RAB28: variants seen among roughly 807,000 people sequenced by gnomAD.
RAB28 encodes RAB28, member RAS oncogene family.
Under a neutral mutation model 31.7 loss-of-function variants are expected in RAB28, and 24 were observed. That is an observed-to-expected ratio of 0.76 (90% CI 0.55 to 1.06). The LOEUF (loss-of-function observed/expected upper bound fraction) is 1.06. Ranked by LOEUF, RAB28 falls within the 50% of genes least tolerant of loss-of-function variation. RAB28 has a pLI of 0.00. For missense variants in RAB28, 254 were observed against 258.5 expected (o/e 0.98, Z 0.12); for synonymous variants, 100 against 90.4 (o/e 1.11, Z -0.60).
chr4:13,385,941 G>A (rs1342605301), intron 4 of RAB28, among the ~76,000 whole-genome samples: 2 of 152,086 alleles, frequency 1.3e-5, no homozygotes, highest in African/African-American at 4.8e-5. Context: ...AATGCTTACA[G>A]ACATTGGTTT....
At chr4:13,427,197 T>C (rs911566807) in intron 4 of RAB28, among the ~76,000 whole-genome samples, 32 of 152,328 alleles carry the variant, frequency 2.1e-4, no homozygotes, top group African/African-American at 7.0e-4. Flanking sequence ...GTGAAATCTA[T>C]ATTGTATTTG....
rs201661629 is a variant in RAB28, at chr4:13,402,528, A to AT, written c.392-20935dup. ...ATCGCTACAAAATTCCTTGTTTCTC[A>AT]TGTTAATATAGTTACTTCAACTTTC... On this transcript the variant is annotated intron_variant, in intron 4 of 6. Transcript: ENST00000330852. 2.0e-4 allele frequency among the ~76,000 whole-genome samples: 31 copies of AT among 152,246 alleles called. 1 individual carries two copies. The East Asian group carries it at 5.8e-3, about 28-fold the overall frequency.
At chr4:13,378,385 G>A (rs1302686472) in intron 5 of RAB28, among the ~76,000 whole-genome samples, 1 of 152,126 alleles carries the variant, frequency 6.6e-6, no homozygotes, top group African/African-American at 2.4e-5. Context: ...TTGATGACGT[G>A]AATAATAGCA....
chr4:13,410,022 G>A (rs1005783366), intron 4 of RAB28, among the ~76,000 whole-genome samples: 1 of 151,964 alleles, frequency 6.6e-6, no homozygotes, highest in Non-Finnish European at 1.5e-5. Flanking sequence ...CATGAGATCT[G>A]CTTGTTTTTA....
At chr4:13,477,084 C>T (rs758552540) in intron 2 of RAB28, among the ~76,000 whole-genome samples, 3 of 151,454 alleles carry the variant, frequency 2.0e-5, no homozygotes, top group Non-Finnish European at 4.4e-5. Flanking sequence ...CACAGTAGAA[C>T]GCTGTTTACT....
intron 4 of RAB28, among the ~76,000 whole-genome samples, chr4:13,445,883 G>A (rs1163395050): frequency 6.6e-6 from 1 of 152,178 alleles, no homozygotes; most frequent in African/African-American, 2.4e-5. Context: ...CTGGTATGCT[G>A]TGCTGGGAGA....
intron 4 of RAB28, among the ~76,000 whole-genome samples, chr4:13,436,504 A>G (rs368875142): frequency 2.6e-5 from 4 of 152,206 alleles, no homozygotes; most frequent in South Asian, 2.1e-4. Context: ...TGACTTCAGT[A>G]AAGTTTCAGG....
At chr4:13,435,964 C>A (rs1714077834) in intron 4 of RAB28, among the ~76,000 whole-genome samples, 1 of 152,000 alleles carries the variant, frequency 6.6e-6, no homozygotes, top group Non-Finnish European at 1.5e-5. Context: ...AAATCCTCTA[C>A]AAAAACAGTG....
At chr4:13,419,921 T>G (rs1005549906) in intron 4 of RAB28, among the ~76,000 whole-genome samples, 2 of 146,918 alleles carry the variant, frequency 1.4e-5, no homozygotes, top group Non-Finnish European at 3.0e-5. Flanking sequence ...CTGAAGGAAA[T>G]AGAGACACAA....
intron 4 of RAB28, among the ~76,000 whole-genome samples, chr4:13,429,884 T>C (rs1713716306): frequency 6.6e-6 from 1 of 152,132 alleles, no homozygotes; most frequent in Non-Finnish European, 1.5e-5. Context: ...ACTACAGTAA[T>C]CTAGTTTATT....
rs1258058688 is a variant in RAB28 at position 13,374,742 on chromosome 4, ACATGGTAG to A, written c.573+1795_573+1802del. On this transcript the variant is annotated intron_variant, in intron 6 of 6. Coordinates refer to ENST00000330852, the MANE Select transcript of RAB28 (RefSeq NM_001017979.3). ...TTCCATCTTGACTTTGGTCTTTTTC[ACATGGTAG>A]CAGTAACTCAGTCTCCTTACCTCAA... Among the ~76,000 whole-genome samples the A allele has an allele frequency of 3.3e-5, 5 of 151,936 alleles. No individual in the cohort carries two copies. In the South Asian group the frequency reaches 1.0e-3, roughly 32 times the overall value.
At chr4:13,371,289 T>C (rs1338688216) in intron 6 of RAB28, 1 of 985,162 alleles carries the variant, frequency 1.0e-6, no homozygotes, top group African/African-American at 1.7e-5. Context: ...CCAAATGAGG[T>C]ATGAATCGGG....
At chr4:13,368,792 A>G (rs949196450) in intron 6 of RAB28, 142 bp from the exon 7 acceptor site, 2 of 663,726 alleles carry the variant, frequency 3.0e-6, no homozygotes, top group African/African-American at 3.9e-5. Flanking sequence ...TATTAAAAGA[A>G]TAAGCCAGAC....
chr4:13,414,130 C>G (rs1712613730), intron 4 of RAB28, among the ~76,000 whole-genome samples: 1 of 152,174 alleles, frequency 6.6e-6, no homozygotes, highest in Non-Finnish European at 1.5e-5. Flanking sequence ...TCAGAAAAGC[C>G]CAAAAGCTAC....
At chr4:13,447,935 T>C (rs180876948) in intron 4 of RAB28, among the ~76,000 whole-genome samples, 1 of 152,274 alleles carries the variant, frequency 6.6e-6, no homozygotes, top group East Asian at 1.9e-4. Flanking sequence ...TAAGCAACCT[T>C]AAAACTAAAC....
intron 4 of RAB28, among the ~76,000 whole-genome samples, chr4:13,445,206 T>G (rs1400961385): frequency 6.6e-6 from 1 of 152,004 alleles, no homozygotes; most frequent in Non-Finnish European, 1.5e-5. Flanking sequence ...GAAGTTCTCA[T>G]GCTGTGTTTT....
chr4:13,419,522 TA>T (rs1219844096), intron 4 of RAB28, among the ~76,000 whole-genome samples: 1 of 152,128 alleles, frequency 6.6e-6, no homozygotes, highest in Non-Finnish European at 1.5e-5. Flanking sequence ...TCAGCAAATG[TA>T]AAAGAACAGA....
intron 6 of RAB28, chr4:13,369,842 C>A: frequency 1.3e-6 from 2 of 1,587,480 alleles, no homozygotes; most frequent in East Asian, 4.5e-5. Context: ...TCCCACCTCC[C>A]CAAACTGTAA....
At chr4:13,382,274 C>A (rs1377844713) in intron 4 of RAB28, among the ~76,000 whole-genome samples, 1 of 152,140 alleles carries the variant, frequency 6.6e-6, no homozygotes, top group Non-Finnish European at 1.5e-5. Context: ...TTATCCAGCA[C>A]AGTGTATTTT....
Sources: gnomAD v4.1 joint callset for allele counts (sites outside exome capture counted in the v4.1 genomes callset) on GRCh38, gnomAD v4.1.1 for gene constraint, MANE v1.5 for transcripts, NCBI Gene and HGNC (gene_info 2026-07-23, HGNC 2026-07-21) for gene names.